Variants in RABGAP1L observed in about 807,000 individuals in gnomAD.
The protein encoded by RABGAP1L is rab GTPase-activating protein 1-like.
RABGAP1L carries 63 observed loss-of-function variants against 137.7 expected under a neutral mutation model. That is an observed-to-expected ratio of 0.46 (90% CI 0.37 to 0.56). The LOEUF (loss-of-function observed/expected upper bound fraction) is 0.56, where lower values mean the gene tolerates loss of function less well. RABGAP1L is among the 20% of genes least tolerant of loss of function. The probability of loss-of-function intolerance (pLI) is 0.00; values close to 1 mark genes in which losing one functional copy is unlikely to be tolerated. For synonymous variants in RABGAP1L, 431 were observed against 433.7 expected (o/e 0.99, Z 0.08); for missense variants, 1,095 against 1,244.0 (o/e 0.88, Z 1.80).
chr1:174,457,731 G>C (rs187084081), intron 13 of RABGAP1L, among the ~76,000 whole-genome samples: 26 of 152,230 alleles, frequency 1.7e-4, no homozygotes, highest in African/African-American at 5.5e-4. Flanking sequence ...TCAAACTCCT[G>C]AACTCAAGTG....
intron 19 of RABGAP1L, among the ~76,000 whole-genome samples, chr1:174,941,851 A>G (rs779502153): frequency 6.6e-6 from 1 of 152,202 alleles, no homozygotes; most frequent in Non-Finnish European, 1.5e-5. Context: ...CCATCATAGA[A>G]TGAGGCTTAT....
intron 19 of RABGAP1L, among the ~76,000 whole-genome samples, chr1:174,819,734 A>C (rs1690826741): frequency 6.6e-6 from 1 of 152,184 alleles, no homozygotes; most frequent in Non-Finnish European, 1.5e-5. Context: ...GAATGATGAC[A>C]GTTGATATCC....
chr1:174,415,622 A>G (rs1389710041), intron 13 of RABGAP1L, among the ~76,000 whole-genome samples: 1 of 151,970 alleles, frequency 6.6e-6, no homozygotes, highest in African/African-American at 2.4e-5. Flanking sequence ...AAAAGGAGCA[A>G]TTTTCATTTT....
intron 13 of RABGAP1L, 94 bp downstream of exon 13, chr1:174,394,239 CT>C: frequency 7.0e-7 from 1 of 1,427,616 alleles, no homozygotes; most frequent in East Asian, 2.3e-5. Context: ...ATGCTTTGAA[CT>C]TCTTCATGAA....
intron 1 of RABGAP1L, among the ~76,000 whole-genome samples, chr1:174,166,980 T>C (rs143147776): frequency 6.6e-6 from 1 of 152,348 alleles, no homozygotes; most frequent in African/African-American, 2.4e-5. Context: ...GGTTCTAAAA[T>C]AAATATGAAT....
intron 19 of RABGAP1L, among the ~76,000 whole-genome samples, chr1:174,817,026 G>A (rs1223679451): frequency 6.6e-6 from 1 of 152,132 alleles, no homozygotes; most frequent in Non-Finnish European, 1.5e-5. Flanking sequence ...ACTGCACTCG[G>A]TCAGTCCTTT....
At position 174,306,515 on chromosome 1, in the gene RABGAP1L, G is replaced by C. The variant is rs1437409853; in HGVS notation, c.1465+1388G>C. Among the ~76,000 whole-genome samples, 4 of 152,206 alleles carry C rather than the reference G, an allele frequency of 2.6e-5. No individual in the cohort carries two copies. The East Asian group carries it at 7.7e-4, about 29-fold the overall frequency. ...TTGATTTGCATTTCTCTGATGGCCAGTGATGATGAGCATTTTTTCATGTGT... is the reference window on the plus strand; with the variant it reads ...TTGATTTGCATTTCTCTGATGGCCACTGATGATGAGCATTTTTTCATGTGT... On this transcript the variant is annotated intron_variant, in intron 11 of 25. Transcript: ENST00000681986.
chr1:174,606,616 C>G (rs1659662092), intron 13 of RABGAP1L, among the ~76,000 whole-genome samples: 1 of 152,188 alleles, frequency 6.6e-6, no homozygotes, highest in African/African-American at 2.4e-5. Flanking sequence ...TTTATCTGTT[C>G]TCTGCCTTCA....
chr1:174,513,456 TA>T (rs898709521), intron 13 of RABGAP1L, among the ~76,000 whole-genome samples: 11 of 150,204 alleles, frequency 7.3e-5, no homozygotes, highest in Admixed American at 4.0e-4. Flanking sequence ...AAAATTAAAA[TA>T]AAAAAAAATA....
At chr1:174,910,761 C>A (rs554378216) in intron 19 of RABGAP1L, among the ~76,000 whole-genome samples, 1 of 152,132 alleles carries the variant, frequency 6.6e-6, no homozygotes, top group Non-Finnish European at 1.5e-5. Context: ...AAGTCAGAGA[C>A]GATCTGTGCA....
chr1:174,281,832 C>T (rs539950648), intron 10 of RABGAP1L, among the ~76,000 whole-genome samples: 4 of 152,288 alleles, frequency 2.6e-5, no homozygotes, highest in East Asian at 3.9e-4. Flanking sequence ...AAATTAAGAT[C>T]CCTCACTCTT....
At chr1:174,766,332 T>C (rs1685669780) in intron 18 of RABGAP1L, among the ~76,000 whole-genome samples, 1 of 152,224 alleles carries the variant, frequency 6.6e-6, no homozygotes, top group Non-Finnish European at 1.5e-5. Flanking sequence ...GCTATCTACT[T>C]GTCCCCATAC....
At chr1:174,250,826 C>G (rs1163947508) in intron 6 of RABGAP1L, among the ~76,000 whole-genome samples, 194 bp downstream of exon 6, 1 of 151,924 alleles carries the variant, frequency 6.6e-6, no homozygotes, top group Non-Finnish European at 1.5e-5. Flanking sequence ...GAGTTTCGCT[C>G]TTGTCACCCA....
intron 13 of RABGAP1L, among the ~76,000 whole-genome samples, chr1:174,596,415 T>G (rs1376627304): frequency 6.6e-6 from 1 of 152,190 alleles, no homozygotes; most frequent in Non-Finnish European, 1.5e-5. Flanking sequence ...TTGTAGTTCT[T>G]ATTGTACAGA....
At chr1:174,359,255 T>A (rs1224025368) in intron 11 of RABGAP1L, among the ~76,000 whole-genome samples, 2 of 152,344 alleles carry the variant, frequency 1.3e-5, no homozygotes, top group Non-Finnish European at 2.9e-5. Context: ...TTTTCATTCT[T>A]ATTTCCTTTT....
At chr1:174,603,241 C>T (rs1290208078) in intron 13 of RABGAP1L, among the ~76,000 whole-genome samples, 1 of 152,098 alleles carries the variant, frequency 6.6e-6, no homozygotes, top group Non-Finnish European at 1.5e-5. Context: ...TTGATAAGAT[C>T]CAAGATAATT....
rs779539265 is a variant in RABGAP1L at position 174,371,080 on chromosome 1, T to C, written c.1559+8T>C. ...AGAGTTGCTAGGAAAATGGTAAAATTTTATTTTTCATACTGAAAATTCTAT... is the reference window on the plus strand; with the variant it reads ...AGAGTTGCTAGGAAAATGGTAAAATCTTATTTTTCATACTGAAAATTCTAT... On this transcript the variant is annotated splice_region_variant and intron_variant, in intron 12 of 25. Coordinates refer to ENST00000681986, the MANE Select transcript of RABGAP1L (RefSeq NM_001366446.1). 2 of 1,437,306 alleles carry C rather than the reference T, an allele frequency of 1.4e-6. No individual in the cohort carries two copies. The allele number at this position is 1,437,306 out of a possible 1,614,324, so 89.0% of individuals were successfully genotyped here.
chr1:174,539,009 A>G (rs1665127245), intron 13 of RABGAP1L, among the ~76,000 whole-genome samples: 1 of 152,102 alleles, frequency 6.6e-6, no homozygotes, highest in African/African-American at 2.4e-5. Context: ...AAAGTTAAAT[A>G]AGTTGCCCGG....
chr1:174,883,694 G>A (rs1053919611), intron 19 of RABGAP1L, among the ~76,000 whole-genome samples: 1 of 152,206 alleles, frequency 6.6e-6, no homozygotes, highest in Admixed American at 6.6e-5. Flanking sequence ...AACTGGCAGG[G>A]CCCACATTGA....
Sources: allele counts gnomAD v4.1 joint callset (sites outside exome capture counted in the v4.1 genomes callset), GRCh38; gene constraint gnomAD v4.1.1; transcripts MANE v1.5; gene names NCBI Gene and HGNC (gene_info 2026-07-23, HGNC 2026-07-21).